ACSM4: variants seen among roughly 807,000 people sequenced by gnomAD.
ACSM4 encodes the protein acyl-coenzyme A synthetase ACSM4, mitochondrial.
ACSM4 carries 66 observed loss-of-function variants against 73.0 expected under a neutral mutation model. The ratio of observed to expected loss-of-function variants is 0.90; its 90% CI spans 0.74 to 1.11. The LOEUF (loss-of-function observed/expected upper bound fraction) is 1.11. Among genes scored for constraint, ACSM4 ranks in the 50% least tolerant of loss-of-function variants. ACSM4 has a pLI of 0.00. For synonymous variants in ACSM4, 222 were observed against 254.0 expected, an observed-to-expected ratio of 0.87 and a Z score of 1.20; for missense variants, 645 against 714.4, an observed-to-expected ratio of 0.90 and a Z score of 1.11.
Position 7,306,658 on chromosome 12 carries a change from T to A in ACSM4, c.327T>A (p.Cys109Ter). Residue 109 changes from cysteine (C) to a stop codon, truncating the protein, a stop_gained, in exon 2 of 13, where the codon TGT (cysteine) becomes TGA (stop). Transcript: ENST00000399422. LOFTEE classifies it high-confidence loss of function. The stretch of plus-strand genomic sequence containing the variant: ...CTGCCAACGTGCTCACCAAGCCCTG[T>A]GGCCTGCAGAGAGGAGACCGTTTGG... ...RKAANVLTKP[C>*]GLQRGDRLAV... 2 of 1,610,576 alleles carry A rather than the reference T, an allele frequency of 1.2e-6. No homozygotes were observed. The highest frequency in any genetic ancestry group is 1.7e-6 in the Non-Finnish European group (2 of 1,178,556).
In ACSM4 at chr12:7,310,015, C is replaced by T. The variant is rs1205701568; in HGVS notation, c.413-524C>T. 4.6e-5 allele frequency among the ~76,000 whole-genome samples: 7 copies of T among 152,306 alleles called. No homozygotes were observed. In the East Asian group the frequency reaches 1.2e-3, roughly 25 times the overall value. The stretch of plus-strand genomic sequence containing the variant: ...CTCGGGGTGGTCTCGAACTCCTGGG[C>T]TTGATTAAGTAATCTACTGGCCTCG... On this transcript the variant is annotated intron_variant, in intron 2 of 12. Transcript: ENST00000399422.
At position 7,306,649 on chromosome 12, in the gene ACSM4, C is replaced by A; in HGVS notation, c.318C>A (p.Thr106=). ...CCCGAAAAGCTGCCAACGTGCTCACCAAGCCCTGTGGCCTGCAGAGAGGAG... is the reference window on the plus strand; with the variant it reads ...CCCGAAAAGCTGCCAACGTGCTCACAAAGCCCTGTGGCCTGCAGAGAGGAG... ...SLSRKAANVL[T]KPCGLQRGDR... The change falls in exon 2 of 13, where the codon ACC becomes ACA. Residue 106 remains threonine (T), a synonymous_variant. Coordinates refer to ENST00000399422, the MANE Select transcript of ACSM4 (RefSeq NM_001080454.2). The A allele has an allele frequency of 6.2e-7, 1 of 1,609,674 alleles. No homozygotes were observed. Among genetic ancestry groups the A allele is most frequent in the African/African-American group, 1.3e-5 (1 of 74,940 alleles).
At chr12:7,315,280 T>A (rs1456692626) in intron 3 of ACSM4, among the ~76,000 whole-genome samples, 2 of 151,746 alleles carry the variant, frequency 1.3e-5, no homozygotes, top group African/African-American at 4.8e-5. Flanking sequence ...TAAAACAGCA[T>A]CCTTAACCCT....
At chr12:7,323,823 G>C (rs922908537) in intron 9 of ACSM4, among the ~76,000 whole-genome samples, 4 of 152,064 alleles carry the variant, frequency 2.6e-5, no homozygotes, top group African/African-American at 9.7e-5. Flanking sequence ...TAGAAGAGGG[G>C]CTTTTTATTA....
At chr12:7,311,536 C>T (rs942513600) in intron 3 of ACSM4, among the ~76,000 whole-genome samples, 1 of 152,210 alleles carries the variant, frequency 6.6e-6, no homozygotes, top group Non-Finnish European at 1.5e-5. Context: ...TCTATTACAA[C>T]GTCCTCCTGT....
chr12:7,313,669 T>C (rs1484716864), intron 3 of ACSM4, among the ~76,000 whole-genome samples: 1 of 152,144 alleles, frequency 6.6e-6, no homozygotes, highest in East Asian at 1.9e-4. Flanking sequence ...GGTCCAGGAC[T>C]CTGGATTCTG....
chr12:7,320,256 T>A (rs916429443), intron 5 of ACSM4, among the ~76,000 whole-genome samples: 6 of 152,130 alleles, frequency 3.9e-5, no homozygotes, highest in African/African-American at 1.4e-4. Context: ...CCAAAAAAAA[T>A]GCTTATTTCT....
At position 7,306,566 on chromosome 12, in the gene ACSM4, TG is replaced by T; in HGVS notation, c.238del (p.Val80Ter). 2 of 1,600,384 alleles carry T rather than the reference TG, an allele frequency of 1.2e-6. No homozygotes were observed. Among genetic ancestry groups the T allele is most frequent in the Non-Finnish European group, 8.5e-7 (1 of 1,173,522 alleles). On this transcript the variant is annotated frameshift_variant, in exon 2 of 13. Transcript: ENST00000399422. LOFTEE classifies it high-confidence loss of function. The stretch of plus-strand genomic sequence containing the variant: ...GAGACCAGCTAACCCAGCCCTGTGG[TG>T]GGTGAATGGCAAAGGGGATGAGGTA... ...GERPANPALW[W>X]VNGKGDEVKW...
Position 7,328,449 on chromosome 12 carries a change from T to C in ACSM4, c.*76T>C. 2 of 1,145,044 alleles carry C rather than the reference T, an allele frequency of 1.7e-6. No homozygotes were observed. The highest frequency in any genetic ancestry group is 2.4e-6 in the Non-Finnish European group (2 of 835,278). The allele number at this position is 1,145,044 out of a possible 1,614,324, so 70.9% of individuals were successfully genotyped here. ...GTATTTGTTCCGATAATTCAGCGAC[T>C]ACTCTCTTAAAATGTTTAAGATCTT... On this transcript the variant is annotated 3_prime_UTR_variant, in exon 13 of 13. Transcript: ENST00000399422.
intron 2 of ACSM4, among the ~76,000 whole-genome samples, chr12:7,308,299 T>G (rs1482795941): frequency 1.3e-5 from 2 of 152,202 alleles, no homozygotes; most frequent in East Asian, 3.8e-4. Flanking sequence ...GTAATATTGC[T>G]TAACATGTTA....
At position 7,324,493 on chromosome 12, in the gene ACSM4, C is replaced by A; in HGVS notation, c.1437-6C>A. The A allele has an allele frequency of 6.2e-7, 1 of 1,613,958 alleles. No homozygotes were observed. On this transcript the variant is annotated splice_region_variant and splice_polypyrimidine_tract_variant and intron_variant, in intron 10 of 12. Transcript: ENST00000399422. The stretch of plus-strand genomic sequence containing the variant: ...GTGGTGGTCAAAAACTTCTTTTCCT[C>A]TTCAGGTACCGTATTGGGCCATTTG...
chr12:7,328,365 G>A lies in ACSM4; in HGVS notation c.1735G>A (p.Gly579Arg). Reference protein sequence around the residue: ...RNVLRDQEWRGR With the variant: ...RNVLRDQEWRRR ...CGTTTTAAGAGACCAAGAATGGAGA[G>A]GAAGATAGTTTGATAACAAAGCTGA... The change falls in exon 13 of 13, where the codon GGA (glycine) becomes AGA (arginine). Residue 579 changes from glycine (G) to arginine (R), a missense_variant. Gly to Arg is a moderately radical substitution (Grantham distance 125). Transcript: ENST00000399422. 5 of 1,586,992 alleles carry A rather than the reference G, an allele frequency of 3.2e-6. No homozygotes were observed. Among genetic ancestry groups the A allele is most frequent in the Non-Finnish European group, 4.3e-6 (5 of 1,165,536 alleles).
In ACSM4 at chr12:7,326,986, C is replaced by A; in HGVS notation, c.1547C>A (p.Ala516Asp). 6.2e-7 allele frequency: 1 copy of A among 1,603,220 alleles called. No individual in the cohort carries two copies. Among genetic ancestry groups the A allele is most frequent in the Middle Eastern group, 1.7e-4 (1 of 5,894 alleles). ...ACTTTTCTGTTGCAGGTGGTGAAAGCTTTTGTTGTCTTAGCTGCACCCTTT... is the reference window on the plus strand; with the variant it reads ...ACTTTTCTGTTGCAGGTGGTGAAAGATTTTGTTGTCTTAGCTGCACCCTTT... ...PDQIRGEVVK[A>D]FVVLAAPFKS... The change falls in exon 12 of 13, where the codon GCT becomes GAT. Residue 516 changes from alanine to aspartate, a missense_variant. Transcript: ENST00000399422.
intron 5 of ACSM4, 97 bp from the exon 6 acceptor site, chr12:7,320,628 C>T (rs1344723367): frequency 1.0e-6 from 1 of 984,886 alleles, no homozygotes; most frequent in African/African-American, 1.6e-5. Flanking sequence ...GGGATGGGCA[C>T]ATATTAATGG....
At chr12:7,328,249 G>A in intron 12 of ACSM4, 38 bp from the exon 13 acceptor site, 1 of 1,473,554 alleles carries the variant, frequency 6.8e-7, no homozygotes, top group South Asian at 1.2e-5. Context: ...TGGAAGGATG[G>A]AATCAAGTGT....
At chr12:7,325,436 C>T (rs1946496564) in intron 11 of ACSM4, among the ~76,000 whole-genome samples, 1 of 152,200 alleles carries the variant, frequency 6.6e-6, no homozygotes, top group Admixed American at 6.5e-5. Flanking sequence ...CACTTGAGGT[C>T]AGGAGTTCGA....
chr12:7,326,147 T>C (rs765538194), intron 11 of ACSM4, among the ~76,000 whole-genome samples: 4 of 152,268 alleles, frequency 2.6e-5, no homozygotes, highest in African/African-American at 7.2e-5. Flanking sequence ...GCAAACAATA[T>C]GAGGCAAAAA....
rs1408518451 is a variant in ACSM4 at position 7,304,532 on chromosome 12, G to A, written c.201G>A (p.Lys67=). Residue 67 remains lysine, a splice_region_variant and synonymous_variant, in exon 1 of 13, where the codon AAG becomes AAA. Transcript: ENST00000399422. ...DVLDQWSQKE[K]TGERPANPAL... ...TGGACCAGTGGTCCCAAAAGGAGAAGGTATATGACGATGGGCTTCCAGTAG... is the reference window on the plus strand; with the variant it reads ...TGGACCAGTGGTCCCAAAAGGAGAAAGTATATGACGATGGGCTTCCAGTAG... 6.2e-7 allele frequency: 1 copy of A among 1,612,848 alleles called. No individual in the cohort carries two copies. The highest frequency in any genetic ancestry group is 1.7e-5 in the Admixed American group (1 of 60,024).
At chr12:7,328,031 A>G (rs755421347) in intron 12 of ACSM4, among the ~76,000 whole-genome samples, 1 of 152,250 alleles carries the variant, frequency 6.6e-6, no homozygotes, top group East Asian at 1.9e-4. Flanking sequence ...GGGGAAAGCA[A>G]TGGGGTAAAG....
Sources: gnomAD v4.1 joint callset for allele counts (sites outside exome capture counted in the v4.1 genomes callset) on GRCh38, gnomAD v4.1.1 for gene constraint, MANE v1.5 for transcripts, NCBI Gene and HGNC (gene_info 2026-07-23, HGNC 2026-07-21) for gene names.